The following MUSK variants were observed in gnomAD, a reference collection of about 807,000 sequenced individuals.
MUSK encodes the protein muscle, skeletal receptor tyrosine-protein kinase.
In MUSK, 55 loss-of-function variants were observed where a neutral mutation model predicts 88.7. The observed-to-expected ratio is 0.62, with a 90% CI of 0.50 to 0.78. The LOEUF (loss-of-function observed/expected upper bound fraction) is 0.78, where lower values mean the gene tolerates loss of function less well. MUSK is among the 30% of genes least tolerant of loss of function. The pLI is 0.00. For missense variants in MUSK, 1,015 were observed against 1,074.3 expected (o/e 0.94, Z 0.77); for synonymous variants, 387 against 391.9 (o/e 0.99, Z 0.15).
At chr9:110,709,156 T>C (rs1332572514) in intron 5 of MUSK, among the ~76,000 whole-genome samples, 1 of 152,224 alleles carries the variant, frequency 6.6e-6, no homozygotes, top group Non-Finnish European at 1.5e-5. Context: ...AAAGATATCA[T>C]GGAAAGCTAT....
At chr9:110,694,385 C>CAAAAAAAA (rs796590211) in intron 3 of MUSK, among the ~76,000 whole-genome samples, 39 of 50,828 alleles carry the variant, frequency 7.7e-4, no homozygotes, top group Admixed American at 1.7e-3. Context: ...GACTCCGTCT[C>CAAAAAAAA]AAAAAAAAAA....
chr9:110,688,292 T>C (rs1040349048), intron 3 of MUSK, among the ~76,000 whole-genome samples: 2 of 152,098 alleles, frequency 1.3e-5, no homozygotes, highest in Admixed American at 6.6e-5. Flanking sequence ...AGCCATGAAA[T>C]AGAACCACTA....
chr9:110,745,966 C>G (rs144531613), intron 6 of MUSK, among the ~76,000 whole-genome samples: 1 of 152,208 alleles, frequency 6.6e-6, no homozygotes, highest in African/African-American at 2.4e-5. Context: ...CTGGCCTTAC[C>G]TCAGAGCTTT....
intron 7 of MUSK, among the ~76,000 whole-genome samples, chr9:110,748,667 G>A (rs1484767588): frequency 6.6e-6 from 1 of 152,040 alleles, no homozygotes; most frequent in Non-Finnish European, 1.5e-5. Context: ...GGCAAGCACG[G>A]ATAGAGCTTG....
chr9:110,720,480 T>C (rs1285397138), intron 5 of MUSK, among the ~76,000 whole-genome samples: 1 of 151,932 alleles, frequency 6.6e-6, no homozygotes, highest in Admixed American at 6.6e-5. Context: ...GGACATAAAC[T>C]AGAAAACCTA....
In MUSK at chr9:110,702,904, AT is replaced by A. The variant is rs562144398; in HGVS notation, c.628+5439del. 7.7e-3 allele frequency among the ~76,000 whole-genome samples: 1,162 copies of A among 150,238 alleles called. 9 individuals are homozygous for A. Among genetic ancestry groups the A allele is most frequent in the Middle Eastern group, 0.017 (5 of 292 alleles). ...TGAGACCCTGTCTCAAAATAAAAAA[AT>A]AATAATAAAAAACCTACATACACAT... On this transcript the variant is annotated intron_variant, in intron 5 of 14. Coordinates refer to ENST00000374448, the MANE Select transcript of MUSK (RefSeq NM_005592.4).
chr9:110,712,539 G>A (rs761018591), intron 5 of MUSK, among the ~76,000 whole-genome samples: 1 of 152,128 alleles, frequency 6.6e-6, no homozygotes, highest in Non-Finnish European at 1.5e-5. Context: ...AAATGACACA[G>A]CTTCAGGATG....
intron 5 of MUSK, among the ~76,000 whole-genome samples, chr9:110,714,879 A>G (rs2076725180): frequency 6.6e-6 from 1 of 152,176 alleles, no homozygotes; most frequent in South Asian, 2.1e-4. Context: ...AGATGAGACA[A>G]ATAGTCTATT....
intron 3 of MUSK, among the ~76,000 whole-genome samples, chr9:110,694,110 C>T (rs1397320863): frequency 6.6e-6 from 1 of 151,614 alleles, no homozygotes; most frequent in Non-Finnish European, 1.5e-5. Flanking sequence ...ACAGGTCTCA[C>T]GCCTGTAATC....
intron 9 of MUSK, chr9:110,775,499 T>C (rs2131985947): frequency 2.6e-6 from 1 of 389,694 alleles, no homozygotes; most frequent in Non-Finnish European, 4.8e-6. Context: ...GGAGAAGACA[T>C]ATCAGAGATT....
Position 110,687,212 on chromosome 9 carries a change from C to CAG in MUSK, c.302_303insAG (p.Asn102AlafsTer17). The CAG allele has an allele frequency of 6.2e-7, 1 of 1,613,840 alleles. No individual in the cohort carries two copies. The highest frequency in any genetic ancestry group is 8.5e-7 in the Non-Finnish European group (1 of 1,179,826). On this transcript the variant is annotated frameshift_variant, in exon 3 of 15. Transcript: ENST00000374448. LOFTEE classifies it high-confidence loss of function. The stretch of plus-strand genomic sequence containing the variant: ...GATGATGGCATTTACTGCTGCACGG[C>CAG]CAACAATGGTGTGGGAGGAGCTGTG...
At chr9:110,706,111 G>A (rs767378219) in intron 5 of MUSK, 2 of 530,060 alleles carry the variant, frequency 3.8e-6, no homozygotes, top group East Asian at 1.1e-4. Context: ...TGTGGCTTCT[G>A]CCCTCCAGCT....
Position 110,804,136 on chromosome 9 carries a change from AT to A in MUSK, c.*3152del, listed in dbSNP as rs1383506707. On this transcript the variant is annotated 3_prime_UTR_variant, in exon 15 of 15. Transcript: ENST00000374448. ...AAACCCAATTTTGGAATAATATTCT[AT>A]TTTATTCATATACTGTAATTTAGCT... Among the ~76,000 whole-genome samples the A allele has an allele frequency of 1.3e-5, 2 of 152,128 alleles. No homozygotes were observed. The highest frequency in any genetic ancestry group is 4.8e-5 in the African/African-American group (2 of 41,430).
intron 6 of MUSK, among the ~76,000 whole-genome samples, chr9:110,742,307 T>A (rs1412265577): frequency 6.6e-6 from 1 of 151,896 alleles, no homozygotes; most frequent in Non-Finnish European, 1.5e-5. Context: ...TACAAAAAAT[T>A]TAGTCAGGCG....
intron 5 of MUSK, among the ~76,000 whole-genome samples, chr9:110,708,916 T>C (rs972509392): frequency 2.6e-5 from 4 of 152,202 alleles, no homozygotes; most frequent in African/African-American, 9.6e-5. Flanking sequence ...TATCGTGACC[T>C]GAAATACATA....
At chr9:110,711,031 T>C (rs2131771041) in intron 5 of MUSK, among the ~76,000 whole-genome samples, 1 of 151,992 alleles carries the variant, frequency 6.6e-6, no homozygotes, top group African/African-American at 2.4e-5. Context: ...TTCTCACTCA[T>C]AGGTGGGAAT....
rs2077464856 is a variant in MUSK at position 110,765,369 on chromosome 9, T to C, written c.921-2451T>C. On this transcript the variant is annotated intron_variant, in intron 8 of 14. Transcript: ENST00000374448. ...CCATTTCGTAAACCAGTTTGAGATA[T>C]TTCTGGTTACTCCTTATTATATAGT... Among the ~76,000 whole-genome samples, 4 of 152,194 alleles carry C rather than the reference T, an allele frequency of 2.6e-5. No homozygotes were observed. In the South Asian group the frequency reaches 8.3e-4, roughly 32 times the overall value.
intron 1 of MUSK, among the ~76,000 whole-genome samples, chr9:110,680,633 T>C (rs1007995216): frequency 4.0e-5 from 6 of 151,702 alleles, no homozygotes; most frequent in Non-Finnish European, 8.8e-5. Context: ...TGATCTGCCC[T>C]CCTCGGCCTC....
Position 110,769,910 on chromosome 9 carries a change from C to T in MUSK, c.1184+1827C>T, listed in dbSNP as rs536797909. ...AAATAATAATTAGATTAGAAAAATT[C>T]TCTGTGTGTGTGACAGCCATTGTGG... On this transcript the variant is annotated intron_variant, in intron 9 of 14. Coordinates refer to ENST00000374448, the MANE Select transcript of MUSK (RefSeq NM_005592.4). 3.0e-4 allele frequency among the ~76,000 whole-genome samples: 45 copies of T among 152,130 alleles called. No individual in the cohort carries two copies. The East Asian group carries it at 8.3e-3, about 28-fold the overall frequency.
Sources: gnomAD v4.1 joint callset for allele counts (sites outside exome capture counted in the v4.1 genomes callset) on GRCh38, gnomAD v4.1.1 for gene constraint, MANE v1.5 for transcripts, NCBI Gene and HGNC (gene_info 2026-07-23, HGNC 2026-07-21) for gene names.